GPC5: variants seen among roughly 807,000 people sequenced by gnomAD.
The protein encoded by GPC5 is glypican-5.
Under a neutral mutation model 53.9 loss-of-function variants are expected in GPC5, and 47 were observed. That is an observed-to-expected ratio of 0.87 (90% CI 0.69 to 1.11). The LOEUF is 1.11. Among genes scored for constraint, GPC5 ranks in the 50% most tolerant of loss-of-function variants. GPC5 has a pLI of 0.00. For missense variants in GPC5, 748 were observed against 713.1 expected, an observed-to-expected ratio of 1.05 and a Z score of -0.56; for synonymous variants, 286 against 263.3, an observed-to-expected ratio of 1.09 and a Z score of -0.84.
intron 7 of GPC5, among the ~76,000 whole-genome samples, chr13:92,331,571 A>G (rs1164290975): frequency 6.6e-6 from 1 of 152,168 alleles, no homozygotes; most frequent in African/African-American, 2.4e-5. Flanking sequence ...CAGTGTTAAT[A>G]ACTGGTAAGA....
intron 6 of GPC5, among the ~76,000 whole-genome samples, chr13:91,946,358 T>A (rs1181270408): frequency 6.6e-6 from 1 of 152,138 alleles, no homozygotes; most frequent in East Asian, 1.9e-4. Flanking sequence ...AAAAAGGCAA[T>A]ATTTAAATTT....
intron 7 of GPC5, among the ~76,000 whole-genome samples, chr13:92,373,786 T>C (rs2043670416): frequency 6.6e-6 from 1 of 152,198 alleles, no homozygotes; most frequent in African/African-American, 2.4e-5. Context: ...CTCCAGCTAG[T>C]TTCATTTTAC....
chr13:92,784,417 G>A (rs1876139994), intron 7 of GPC5, among the ~76,000 whole-genome samples: 2 of 151,810 alleles, frequency 1.3e-5, no homozygotes, highest in Non-Finnish European at 2.9e-5. Flanking sequence ...GCCAGAGGGA[G>A]TGTGACTAAT....
At chr13:92,152,890 G>A (rs978757026) in intron 7 of GPC5, among the ~76,000 whole-genome samples, 1 of 151,876 alleles carries the variant, frequency 6.6e-6, no homozygotes, top group African/African-American at 2.4e-5. Flanking sequence ...TGGCCCTATA[G>A]GCCCCTCTCT....
At chr13:91,455,135 T>C (rs1881451535) in intron 2 of GPC5, among the ~76,000 whole-genome samples, 1 of 151,864 alleles carries the variant, frequency 6.6e-6, no homozygotes, top group Non-Finnish European at 1.5e-5. Context: ...ATTTTAATAA[T>C]TTGTAACCTA....
At chr13:92,680,002 A>G (rs1270256719) in intron 7 of GPC5, among the ~76,000 whole-genome samples, 1 of 151,684 alleles carries the variant, frequency 6.6e-6, no homozygotes, top group Non-Finnish European at 1.5e-5. Flanking sequence ...AAACCTCAGC[A>G]TAGACTATAA....
intron 2 of GPC5, among the ~76,000 whole-genome samples, chr13:91,587,562 A>C (rs565528243): frequency 1.3e-5 from 2 of 152,256 alleles, no homozygotes; most frequent in South Asian, 2.1e-4. Flanking sequence ...TCATTCAGCA[A>C]ATATTTTAGA....
At chr13:91,833,018 G>A (rs1237251236) in intron 5 of GPC5, among the ~76,000 whole-genome samples, 19 of 152,046 alleles carry the variant, frequency 1.2e-4, no homozygotes, top group Non-Finnish European at 2.2e-4. Flanking sequence ...AAGAAGAAAA[G>A]AGAGAAGAAT....
intron 4 of GPC5, among the ~76,000 whole-genome samples, chr13:91,745,232 G>T (rs189840873): frequency 6.6e-6 from 1 of 152,168 alleles, no homozygotes; most frequent in South Asian, 2.1e-4. Context: ...TTGTAGAGGA[G>T]GATGCTTTCA....
Position 92,363,458 on chromosome 13 carries a change from G to T in GPC5, c.1561+218469G>T, listed in dbSNP as rs943880279. On this transcript the variant is annotated intron_variant, in intron 7 of 7. Coordinates refer to ENST00000377067, the MANE Select transcript of GPC5 (RefSeq NM_004466.6). ...AGATCGTCAGGCATTAGTTAGATTA[G>T]ATTCTCATAAGGAGTACACAACCTA... Among the ~76,000 whole-genome samples, 14 of 151,772 alleles carry T rather than the reference G, an allele frequency of 9.2e-5. 1 individual carries two copies. Among genetic ancestry groups the T allele is most frequent in the African/African-American group, 3.2e-4 (13 of 41,100 alleles).
At chr13:91,421,423 A>G (rs963298039) in intron 1 of GPC5, among the ~76,000 whole-genome samples, 1 of 152,204 alleles carries the variant, frequency 6.6e-6, no homozygotes, top group African/African-American at 2.4e-5. Context: ...TATGAAGGGA[A>G]TAATAATACT....
chr13:91,922,682 C>T (rs944329998), intron 6 of GPC5, among the ~76,000 whole-genome samples: 7 of 152,200 alleles, frequency 4.6e-5, no homozygotes, highest in African/African-American at 1.7e-4. Flanking sequence ...ATAAAAAAAA[C>T]AAAAATCAAA....
At chr13:91,851,746 C>T (rs1301547953) in intron 5 of GPC5, among the ~76,000 whole-genome samples, 3 of 139,128 alleles carry the variant, frequency 2.2e-5, no homozygotes, top group African/African-American at 5.5e-5. Context: ...TGAGAATATG[C>T]GGTGTTTGGT....
At chr13:91,546,971 A>G (rs1041469793) in intron 2 of GPC5, among the ~76,000 whole-genome samples, 1 of 152,046 alleles carries the variant, frequency 6.6e-6, no homozygotes, top group African/African-American at 2.4e-5. Flanking sequence ...AGAAGAAGAA[A>G]AATTTTAGCA....
chr13:92,264,837 T>C (rs1002493993), intron 7 of GPC5, among the ~76,000 whole-genome samples: 2 of 151,738 alleles, frequency 1.3e-5, no homozygotes, highest in Non-Finnish European at 2.9e-5. Context: ...TTTTTTTGTG[T>C]CTTGTATATG....
chr13:92,491,311 G>T (rs923644328), intron 7 of GPC5, among the ~76,000 whole-genome samples: 3 of 151,972 alleles, frequency 2.0e-5, no homozygotes, highest in Non-Finnish European at 4.4e-5. Context: ...CACAAAAATA[G>T]GGACTAATAA....
At position 92,144,941 on chromosome 13, in the gene GPC5, G is replaced by T; in HGVS notation, c.1513G>T (p.Gly505Trp). ...SGDCDDEDGC[G>W]GSGSGEVKRT... is the part of the protein sequence containing the mutation. ...GGACTGTGATGATGAAGATGGTTGCGGGGGATCAGGAAGTGGAGAAGTCAA... is the reference window on the plus strand; with the variant it reads ...GGACTGTGATGATGAAGATGGTTGCTGGGGATCAGGAAGTGGAGAAGTCAA... Residue 505 changes from glycine (G) to tryptophan (W), a missense_variant, in exon 7 of 8, where the codon GGG becomes TGG. Transcript: ENST00000377067. 1.9e-6 allele frequency: 3 copies of T among 1,583,380 alleles called. No individual in the cohort carries two copies. The highest frequency in any genetic ancestry group is 1.7e-6 in the Non-Finnish European group (2 of 1,167,536).
chr13:92,520,187 T>A (rs1880980353), intron 7 of GPC5, among the ~76,000 whole-genome samples: 1 of 152,126 alleles, frequency 6.6e-6, no homozygotes, highest in African/African-American at 2.4e-5. Flanking sequence ...CACAGCAGAA[T>A]TCTACCAGAG....
intron 6 of GPC5, among the ~76,000 whole-genome samples, chr13:92,125,214 A>T (rs182981433): frequency 5.3e-5 from 8 of 152,316 alleles, no homozygotes; most frequent in Admixed American, 4.6e-4. Context: ...TTTGGAAATA[A>T]ATAATTCCCT....
Sources: allele counts gnomAD v4.1 joint callset (sites outside exome capture counted in the v4.1 genomes callset), GRCh38; gene constraint gnomAD v4.1.1; transcripts MANE v1.5; gene names NCBI Gene and HGNC (gene_info 2026-07-23, HGNC 2026-07-21).